OVCH2: variants seen among roughly 807,000 people sequenced by gnomAD.
The protein encoded by OVCH2 is ovochymase-2.
Under a neutral mutation model 73.7 loss-of-function variants are expected in OVCH2, and 88 were observed. The observed-to-expected ratio is 1.19, with a 90% CI of 1.01 to 1.43. The LOEUF is 1.43. Among genes scored for constraint, OVCH2 ranks in the 40% most tolerant of loss-of-function variants. The pLI is 0.00. For missense variants in OVCH2, 706 were observed against 674.5 expected, an observed-to-expected ratio of 1.05 and a Z score of -0.52; for synonymous variants, 265 against 234.5, an observed-to-expected ratio of 1.13 and a Z score of -1.19.
At chr11:7,706,198 A>T in intron 1 of OVCH2, 109 bp downstream of exon 1, 1 of 1,143,306 alleles carries the variant, frequency 8.7e-7, no homozygotes, top group Non-Finnish European at 1.2e-6. Context: ...TATCCAAAAT[A>T]TATTTGCTTC....
rs774532530 is a variant in OVCH2 at position 7,691,296 on chromosome 11, C to T, written c.1612G>A (p.Ala538Thr). The stretch of plus-strand genomic sequence containing the variant: ...GCTTTAGGAATGAAGGAGACTGTAG[C>T]CTGAAAGCCCCTGCAGGTCCCGTTT... ...DENGTCRGFQATVSFIPKAVY... is the reference protein window; with the variant it reads ...DENGTCRGFQTTVSFIPKAVY... The change falls in exon 14 of 16, where the codon GCT becomes ACT. Residue 538 changes from alanine (A) to threonine (T), a missense_variant. By Grantham distance (58) the Ala-to-Thr change is moderately conservative. Coordinates refer to ENST00000533663, the MANE Select transcript of OVCH2 (RefSeq NM_198185.7). The T allele has an allele frequency of 6.2e-7, 1 of 1,613,400 alleles. No individual in the cohort carries two copies. Among genetic ancestry groups the T allele is most frequent in the South Asian group, 1.1e-5 (1 of 90,946 alleles).
chr11:7,696,704 C>T lies in OVCH2; in HGVS notation c.1016+5G>A, dbSNP rs1399031605. On this transcript the variant is annotated splice_donor_5th_base_variant and intron_variant, in intron 9 of 15. Coordinates refer to ENST00000533663, the MANE Select transcript of OVCH2 (RefSeq NM_198185.7). Reference sequence around the variant, plus strand: ...AGGAGGAGGAGTACAAAGGGGGTTACTCACTGCTTGCTCTCATAATATAGG... The same window carrying T: ...AGGAGGAGGAGTACAAAGGGGGTTATTCACTGCTTGCTCTCATAATATAGG... 4.3e-6 allele frequency: 7 copies of T among 1,613,702 alleles called. No individual in the cohort carries two copies. Among genetic ancestry groups the T allele is most frequent in the Admixed American group, 1.7e-5 (1 of 59,972 alleles).
chr11:7,700,796 C>G (rs1460882543), intron 6 of OVCH2, among the ~76,000 whole-genome samples: 1 of 152,162 alleles, frequency 6.6e-6, no homozygotes, highest in African/African-American at 2.4e-5. Context: ...TGACTTCAGG[C>G]CTTGGTTAGT....
At chr11:7,683,709 A>C in the OVCH2 span, among the ~76,000 whole-genome samples, 11 of 152,250 alleles carry the variant, frequency 7.2e-5, no homozygotes, top group African/African-American at 2.4e-4. Flanking sequence ...CCCCATGCTC[A>C]TGACTCTCCA....
At chr11:7,681,307 G>T in the OVCH2 span, among the ~76,000 whole-genome samples, 1 of 152,166 alleles carries the variant, frequency 6.6e-6, no homozygotes, top group Non-Finnish European at 1.5e-5. Context: ...TCTCTAAGAA[G>T]CACTATAGAC....
At chr11:7,698,847 C>G in intron 7 of OVCH2, 74 bp from the exon 8 acceptor site, 1 of 1,493,078 alleles carries the variant, frequency 6.7e-7, no homozygotes, top group Non-Finnish European at 9.2e-7. Context: ...TTAGCATCTT[C>G]TTGGCGCACA....
Position 7,691,852 on chromosome 11 carries a change from A to C in OVCH2, c.1507+50T>G, listed in dbSNP as rs543563781. The C allele has an allele frequency of 1.6e-5, 23 of 1,415,272 alleles. No homozygotes were observed. The East Asian group carries it at 5.7e-4, about 35-fold the overall frequency. 87.7% of individuals were successfully genotyped at this position (1,415,272 alleles called of 1,614,324 possible). A position where few individuals can be genotyped will look rare whatever the true frequency, so the allele number is the denominator to read the frequency against. ...GTCTCCTTTTCGTTCCCATCTCAAGACTGGGTCCAAACACAAACCAGAGCG... is the reference window on the plus strand; with the variant it reads ...GTCTCCTTTTCGTTCCCATCTCAAGCCTGGGTCCAAACACAAACCAGAGCG... On this transcript the variant is annotated intron_variant, in intron 13 of 15. Transcript: ENST00000533663.
chr11:7,696,816 G>A lies in OVCH2; in HGVS notation c.926-17C>T. On this transcript the variant is annotated splice_polypyrimidine_tract_variant and intron_variant, in intron 8 of 15. Transcript: ENST00000533663. ...TGCACCAGGCTGGGAGGGAAAGCCA[G>A]GAGAGTCAGGGTTAGTTATGCCAGT... The A allele has an allele frequency of 6.3e-7, 1 of 1,593,664 alleles. No homozygotes were observed. Among genetic ancestry groups the A allele is most frequent in the Admixed American group, 1.8e-5 (1 of 56,936 alleles).
intron 3 of OVCH2, among the ~76,000 whole-genome samples, chr11:7,702,862 G>A (rs983711432): frequency 1.3e-5 from 2 of 152,202 alleles, no homozygotes; most frequent in Non-Finnish European, 2.9e-5. Flanking sequence ...CATCCTTTGA[G>A]ACGCTTCATT....
chr11:7,700,256 A>T lies in OVCH2; in HGVS notation c.901+40T>A, dbSNP rs779950564. On this transcript the variant is annotated intron_variant, in intron 7 of 15. Coordinates refer to ENST00000533663, the MANE Select transcript of OVCH2 (RefSeq NM_198185.7). ...TGCTGATGCTGTCTCTGGCCCTAGC[A>T]GAATGGCAGCTTCTTAACCTTGTGT... 4 of 1,596,176 alleles carry T rather than the reference A, an allele frequency of 2.5e-6. No homozygotes were observed. In the African/African-American group the frequency reaches 5.4e-5, roughly 21 times the overall value.
intron 12 of OVCH2, among the ~76,000 whole-genome samples, chr11:7,692,277 C>G (rs1456307711): frequency 6.6e-6 from 1 of 152,164 alleles, no homozygotes; most frequent in African/African-American, 2.4e-5. Context: ...AGAGCTACCG[C>G]ATGGGGATTT....
chr11:7,694,258 A>G (rs1403911014), intron 12 of OVCH2, among the ~76,000 whole-genome samples: 1 of 152,194 alleles, frequency 6.6e-6, no homozygotes, highest in Non-Finnish European at 1.5e-5. Context: ...CTCTCTGCAG[A>G]TGGTCCATTA....
chr11:7,684,506 ATGTGTGTG>A (rs55770590), downstream of OVCH2, among the ~76,000 whole-genome samples: 15,737 of 141,316 alleles, frequency 0.11, 1,166 homozygotes, highest in African/African-American at 0.2. Flanking sequence ...ATACATACAT[ATGTGTGTG>A]TGTGTGTGTG....
intron 7 of OVCH2, 64 bp from the exon 8 acceptor site, chr11:7,698,837 T>A: frequency 1.3e-6 from 2 of 1,530,308 alleles, no homozygotes; most frequent in Non-Finnish European, 1.8e-6. Context: ...CTTCAAGAAG[T>A]TAGCATCTTC....
chr11:7,686,900 G>A (rs1267806326), downstream of OVCH2, among the ~76,000 whole-genome samples: 1 of 152,158 alleles, frequency 6.6e-6, no homozygotes, highest in Non-Finnish European at 1.5e-5. Context: ...CAGCCCCCAA[G>A]TGTCCTGTGG....
intron 5 of OVCH2, 45 bp downstream of exon 5, chr11:7,701,671 A>G: frequency 6.4e-7 from 1 of 1,563,296 alleles, no homozygotes; most frequent in East Asian, 2.3e-5. Flanking sequence ...TGCCCACCAG[A>G]AAGTTCTGAC....
chr11:7,682,994 A>C, the OVCH2 span, among the ~76,000 whole-genome samples: 1 of 152,344 alleles, frequency 6.6e-6, no homozygotes, highest in South Asian at 2.1e-4. Context: ...ATTTAATGTA[A>C]TGGTCAATTC....
the OVCH2 span, among the ~76,000 whole-genome samples, chr11:7,679,292 G>A: frequency 6.6e-6 from 1 of 152,192 alleles, no homozygotes; most frequent in African/African-American, 2.4e-5. Context: ...ATGATAATGA[G>A]TTGACTGATT....
chr11:7,701,474 A>C lies in OVCH2; in HGVS notation c.561T>G (p.Gly187=). ...TTAGWGRLTE[G]GVLSQVLQEV... is the part of the protein sequence containing the mutation. ...CCTGCAAGACTTGTGAGAGGACGCCACCTGAAAAACAGAGAGATGGAAGCC... is the reference window on the plus strand; with the variant it reads ...CCTGCAAGACTTGTGAGAGGACGCCCCCTGAAAAACAGAGAGATGGAAGCC... Residue 187 remains glycine, a splice_region_variant and synonymous_variant, in exon 6 of 16, where the codon GGT becomes GGG. Coordinates refer to ENST00000533663, the MANE Select transcript of OVCH2 (RefSeq NM_198185.7). 6.2e-7 allele frequency: 1 copy of C among 1,609,148 alleles called. No homozygotes were observed. Among genetic ancestry groups the C allele is most frequent in the Non-Finnish European group, 8.5e-7 (1 of 1,178,138 alleles).
Sources: gnomAD v4.1 joint callset for allele counts (sites outside exome capture counted in the v4.1 genomes callset) on GRCh38, gnomAD v4.1.1 for gene constraint, MANE v1.5 for transcripts, NCBI Gene and HGNC (gene_info 2026-07-23, HGNC 2026-07-21) for gene names.